Variants in GHRL observed in about 807,000 individuals in gnomAD.
The protein encoded by GHRL is appetite-regulating hormone.
GHRL carries 24 observed loss-of-function variants against 16.9 expected under a neutral mutation model. The observed-to-expected ratio is 1.42, with a 90% confidence interval of 1.03 to 2.00. GHRL has a LOEUF of 2.00. GHRL is among the 30% of genes most tolerant of loss of function. The pLI, the probability that GHRL is intolerant of heterozygous loss-of-function variation, is 0.00. For missense variants in GHRL, 193 were observed against 142.1 expected (o/e 1.36, Z -1.82); for synonymous variants, 63 against 58.2 (o/e 1.08, Z -0.37).
chr3:10,289,815 G>T lies in GHRL; in HGVS notation c.172C>A (p.Arg58Ser). The T allele has an allele frequency of 6.2e-7, 1 of 1,613,806 alleles. No homozygotes were observed. The highest frequency in any genetic ancestry group is 1.3e-5 in the African/African-American group (1 of 74,928). ...LQPRALAGWL[R>S]PEDGGQAEGA... The stretch of plus-strand genomic sequence containing the variant: ...TCTGCTTGACCTCCATCTTCCGGGC[G>T]GAGCCAGCCTGCTAGAGCTCGGGGC... The change falls in exon 4 of 6, where the codon CGC becomes AGC. Residue 58 changes from arginine (R) to serine (S), a missense_variant. Arg to Ser is a moderately radical substitution (Grantham distance 110). Coordinates refer to ENST00000335542, the MANE Select transcript of GHRL (RefSeq NM_016362.5).
rs267599519 is a variant in GHRL at position 10,285,883 on chromosome 3, C to A, written c.346G>T (p.Asp116Tyr). The change falls in exon 6 of 6, where the codon GAC becomes TAC. Residue 116 changes from aspartate to tyrosine, a missense_variant. By Grantham distance (160) the Asp-to-Tyr change is radical. Coordinates refer to ENST00000335542, the MANE Select transcript of GHRL (RefSeq NM_016362.5). ...GTAAGGCTTGTGGGCGATCACTTGT[C>A]GGCTGGGGCCTCTGGAAAGCAAGAG... ...LWEEAKEAPA[D>Y]K 1 of 1,613,170 alleles carries A rather than the reference C, an allele frequency of 6.2e-7. No homozygotes were observed. The highest frequency in any genetic ancestry group is 2.2e-5 in the East Asian group (1 of 44,880).
chr3:10,291,908 G>A (rs1463824789), intron 1 of GHRL, among the ~76,000 whole-genome samples: 1 of 152,090 alleles, frequency 6.6e-6, no homozygotes, highest in Non-Finnish European at 1.5e-5. Context: ...GAGGGGAGGT[G>A]AAGGCGTGGG....
Position 10,291,145 on chromosome 3 carries a change from T to G in GHRL, c.-459A>C, listed in dbSNP as rs1232902305. 1 of 985,598 alleles carries G rather than the reference T, an allele frequency of 1.0e-6. No individual in the cohort carries two copies. The highest frequency in any genetic ancestry group is 1.2e-6 in the Non-Finnish European group (1 of 830,128). The allele number at this position is 985,598 out of a possible 1,614,324, so 61.1% of individuals were successfully genotyped here. On this transcript the variant is annotated 5_prime_UTR_variant, in exon 2 of 6. Coordinates refer to ENST00000335542, the MANE Select transcript of GHRL (RefSeq NM_016362.5). ...CTCCCCAGTCCAGCGCCCCGTTGTT[T>G]CCCATGTGCTGTTGCTGCTCTGGCC...
chr3:10,285,941 T>C (rs768193741), intron 5 of GHRL, 47 bp from the exon 6 acceptor site: 1 of 1,574,822 alleles, frequency 6.3e-7, no homozygotes, highest in Non-Finnish European at 8.7e-7. Flanking sequence ...ACCGTCCTGC[T>C]AGTGCTTTTC....
At chr3:10,292,564 A>G (rs1180460640) in intron 1 of GHRL, 1 of 446,302 alleles carries the variant, frequency 2.2e-6, no homozygotes, top group Non-Finnish European at 3.9e-6. Context: ...CTCACCACCA[A>G]CCCACTGTGG....
At chr3:10,289,535 C>T (rs886608355) in intron 4 of GHRL, among the ~76,000 whole-genome samples, 3 of 152,220 alleles carry the variant, frequency 2.0e-5, no homozygotes, top group Non-Finnish European at 4.4e-5. Context: ...CAGGCTCCTT[C>T]CGTCCCTATT....
Position 10,291,269 on chromosome 3 carries a change from T to A in GHRL, c.-583A>T, listed in dbSNP as rs951430227. The A allele has an allele frequency of 2.0e-6, 2 of 985,326 alleles. No homozygotes were observed. Among genetic ancestry groups the A allele is most frequent in the African/African-American group, 3.5e-5 (2 of 57,248 alleles). 61.0% of individuals were successfully genotyped at this position (985,326 alleles called of 1,614,324 possible). ...CGGTTGAGCAGACTGCTCCTGATCA[T>A]CCTCTCCAGAGAGTGGGTGTGGGGA... On this transcript the variant is annotated 5_prime_UTR_variant, in exon 2 of 6. The change abolishes an upstream ATG in the 5' untranslated region. Transcript: ENST00000335542.
In GHRL at chr3:10,286,761, G is replaced by T. The variant is rs781508813; in HGVS notation, c.277C>A (p.Gln93Lys). The T allele has an allele frequency of 1.9e-6, 3 of 1,613,358 alleles. No individual in the cohort carries two copies. The highest frequency in any genetic ancestry group is 2.5e-6 in the Non-Finnish European group (3 of 1,179,410). ...AACTTCCCCAGGGCCTGGCTGTGCT[G>T]CTGGTACTGAACCCCTGACAGCTTG... Reference protein sequence around the residue: ...GIKLSGVQYQQHSQALGKFLQ... With the variant: ...GIKLSGVQYQKHSQALGKFLQ... Residue 93 changes from glutamine (Q) to lysine (K), a missense_variant, in exon 5 of 6, where the codon CAG becomes AAG. Coordinates refer to ENST00000335542, the MANE Select transcript of GHRL (RefSeq NM_016362.5).
Position 10,285,702 on chromosome 3 carries a change from A to G in GHRL, c.*173T>C, listed in dbSNP as rs1698955462. The G allele has an allele frequency of 1.7e-6, 1 of 573,202 alleles. No homozygotes were observed. Among genetic ancestry groups the G allele is most frequent in the Non-Finnish European group, 3.2e-6 (1 of 314,136 alleles). 35.5% of individuals were successfully genotyped at this position (573,202 alleles called of 1,614,324 possible). A position where few individuals can be genotyped will look rare whatever the true frequency, so the allele number is the denominator to read the frequency against. On this transcript the variant is annotated 3_prime_UTR_variant, in exon 6 of 6. Transcript: ENST00000335542. ...ATTATTTTGATTTTTTTAAAGTAAAATATTAACTTTTCCTCTTTGAAATAA... is the reference window on the plus strand; with the variant it reads ...ATTATTTTGATTTTTTTAAAGTAAAGTATTAACTTTTCCTCTTTGAAATAA...
chr3:10,291,283 T>C lies in GHRL; in HGVS notation c.-597A>G, dbSNP rs1699976416. On this transcript the variant is annotated 5_prime_UTR_variant, in exon 2 of 6. Coordinates refer to ENST00000335542, the MANE Select transcript of GHRL (RefSeq NM_016362.5). ...GCTCCTGATCATCCTCTCCAGAGAGTGGGTGTGGGGATAACTTCAGCCAGT... is the reference window on the plus strand; with the variant it reads ...GCTCCTGATCATCCTCTCCAGAGAGCGGGTGTGGGGATAACTTCAGCCAGT... 2 of 984,992 alleles carry C rather than the reference T, an allele frequency of 2.0e-6. No individual in the cohort carries two copies. The highest frequency in any genetic ancestry group is 1.2e-6 in the Non-Finnish European group (1 of 829,862). 61.0% of individuals were successfully genotyped at this position (984,992 alleles called of 1,614,324 possible).
At position 10,285,773 on chromosome 3, in the gene GHRL, T is replaced by C; in HGVS notation, c.*102A>G. Reference sequence around the variant, plus strand: ...CATACAGTTTGAACATTTATTCGCCTCCTGAGCTTGTACAACAGTCGTGGG... The same window carrying C: ...CATACAGTTTGAACATTTATTCGCCCCCTGAGCTTGTACAACAGTCGTGGG... On this transcript the variant is annotated 3_prime_UTR_variant, in exon 6 of 6. Transcript: ENST00000335542. 8.1e-6 allele frequency: 7 copies of C among 867,420 alleles called. No homozygotes were observed. In the East Asian group the frequency reaches 9.8e-5, roughly 12 times the overall value. The allele number at this position is 867,420 out of a possible 1,614,324, so 53.7% of individuals were successfully genotyped here.
At chr3:10,291,890 G>A (rs1350373242) in intron 1 of GHRL, among the ~76,000 whole-genome samples, 2 of 152,074 alleles carry the variant, frequency 1.3e-5, no homozygotes, top group Non-Finnish European at 2.9e-5. Flanking sequence ...AGGGCTTTGC[G>A]GCAAGCAGAG....
Position 10,291,370 on chromosome 3 carries a change from A to G in GHRL, c.-684T>C. 1 of 985,514 alleles carries G rather than the reference A, an allele frequency of 1.0e-6. No individual in the cohort carries two copies. The highest frequency in any genetic ancestry group is 1.2e-6 in the Non-Finnish European group (1 of 829,990). The allele number at this position is 985,514 out of a possible 1,614,324, so 61.0% of individuals were successfully genotyped here. ...ACTGCCTGGCCTGGCGTTTTTTCAC[A>G]TAGCAGCTTGCCTTGCCTCCCTCCA... On this transcript the variant is annotated 5_prime_UTR_variant, in exon 2 of 6. The change abolishes an upstream ATG in the 5' untranslated region. Transcript: ENST00000335542.
At chr3:10,289,087 G>A (rs2125207059) in intron 4 of GHRL, among the ~76,000 whole-genome samples, 1 of 152,330 alleles carries the variant, frequency 6.6e-6, no homozygotes, top group Non-Finnish European at 1.5e-5. Flanking sequence ...TCCTGCCTTA[G>A]CTGCGAAATG....
chr3:10,290,245 C>T, intron 2 of GHRL, 36 bp from the exon 3 acceptor site: 1 of 1,560,530 alleles, frequency 6.4e-7, no homozygotes, highest in South Asian at 1.2e-5. Flanking sequence ...GCTGCCTCCC[C>T]TTCTCATGTG....
At chr3:10,289,012 G>A (rs981531624) in intron 4 of GHRL, among the ~76,000 whole-genome samples, 2 of 152,142 alleles carry the variant, frequency 1.3e-5, no homozygotes, top group Admixed American at 6.5e-5. Context: ...GCAGTTAGAG[G>A]TGAAGTTGGT....
intron 5 of GHRL, 64 bp from the exon 6 acceptor site, chr3:10,285,958 G>A (rs1239261630): frequency 2.1e-5 from 31 of 1,460,286 alleles, no homozygotes; most frequent in Non-Finnish European, 2.0e-5. Flanking sequence ...TTTCTTCCAC[G>A]GTGGTGAGAT....
At chr3:10,287,796 C>T (rs1439722749) in intron 4 of GHRL, 1 of 153,678 alleles carries the variant, frequency 6.5e-6, no homozygotes, top group East Asian at 1.9e-4. Context: ...GCCCATTTTA[C>T]AGGTGAGGAC....
intron 4 of GHRL, among the ~76,000 whole-genome samples, chr3:10,289,375 C>T (rs568420338): frequency 2.3e-4 from 35 of 152,332 alleles, no homozygotes; most frequent in Admixed American, 2.6e-4. Context: ...AGTCCAGGCC[C>T]TGGAAGCCCC....
Sources: allele counts gnomAD v4.1 joint callset (sites outside exome capture counted in the v4.1 genomes callset), GRCh38; gene constraint gnomAD v4.1.1; transcripts MANE v1.5; gene names NCBI Gene and HGNC (gene_info 2026-07-23, HGNC 2026-07-21).